Variants in CPNE4 observed in about 807,000 individuals in gnomAD.
CPNE4 encodes the protein copine 4.
In CPNE4, 25 loss-of-function variants were observed where a neutral mutation model predicts 67.9. The observed-to-expected ratio is 0.37, with a 90% CI of 0.27 to 0.51. The LOEUF is 0.51. Among genes scored for constraint, CPNE4 ranks in the 20% least tolerant of loss-of-function variants. The pLI is 0.93. For synonymous variants in CPNE4, 242 were observed against 244.9 expected (o/e 0.99, Z 0.11); for missense variants, 464 against 690.8 (o/e 0.67, Z 3.68).
intron 7 of CPNE4, among the ~76,000 whole-genome samples, chr3:131,657,086 T>C (rs114449448): frequency 4.1e-4 from 63 of 152,348 alleles, no homozygotes; most frequent in African/African-American, 1.5e-3. Flanking sequence ...TATTTTCCTA[T>C]AAGAATTTAC....
intron 2 of CPNE4, among the ~76,000 whole-genome samples, chr3:131,787,566 C>G (rs576867779): frequency 2.6e-5 from 4 of 152,212 alleles, no homozygotes; most frequent in African/African-American, 9.6e-5. Flanking sequence ...CGGCTGAAGG[C>G]TCTCTGATGA....
In CPNE4 at chr3:131,992,536, G is replaced by A. The variant is rs1419039807; in HGVS notation, c.-2+42031C>T. ...TAGTTTTACAGGCTCATAGGTGGAA[G>A]GGACTTCCCTTATCTCAGATGAGAC... On this transcript the variant is annotated intron_variant, in intron 1 of 15. Coordinates refer to ENST00000429747, the MANE Select transcript of CPNE4 (RefSeq NM_130808.3). Among the ~76,000 whole-genome samples, 3 of 136,468 alleles carry A rather than the reference G, an allele frequency of 2.2e-5. 1 individual carries two copies. Among genetic ancestry groups the A allele is most frequent in the Non-Finnish European group, 5.0e-5 (3 of 60,096 alleles). The allele number at this position is 136,468 out of a possible 152,430, so 89.5% of individuals were successfully genotyped here. A position where few individuals can be genotyped will look rare whatever the true frequency, so the allele number is the denominator to read the frequency against.
In CPNE4 at chr3:131,838,455, G is replaced by A. The variant is rs554040842; in HGVS notation, c.180+66809C>T. Among the ~76,000 whole-genome samples, 12 of 151,542 alleles carry A rather than the reference G, an allele frequency of 7.9e-5. No homozygotes were observed. In the South Asian group the frequency reaches 2.5e-3, roughly 32 times the overall value. The stretch of plus-strand genomic sequence containing the variant: ...CACAGAGACCAGTAAGAAATACACA[G>A]GTATGCAAAGCACTTAACTAGTTTA... On this transcript the variant is annotated intron_variant, in intron 2 of 15. Coordinates refer to ENST00000429747, the MANE Select transcript of CPNE4 (RefSeq NM_130808.3).
At chr3:131,679,066 G>C (rs938458356) in intron 6 of CPNE4, among the ~76,000 whole-genome samples, 1 of 151,944 alleles carries the variant, frequency 6.6e-6, no homozygotes, top group African/African-American at 2.4e-5. Context: ...CTGGGCTTTG[G>C]TTGGTTGGTA....
intron 2 of CPNE4, among the ~76,000 whole-genome samples, chr3:131,835,697 C>T (rs902916916): frequency 4.6e-5 from 7 of 152,144 alleles, no homozygotes; most frequent in Non-Finnish European, 8.8e-5. Flanking sequence ...GGTAGGGATG[C>T]CCCTTTTTTG....
At chr3:131,901,963 G>A (rs2088572839) in intron 2 of CPNE4, among the ~76,000 whole-genome samples, 1 of 152,022 alleles carries the variant, frequency 6.6e-6, no homozygotes, top group African/African-American at 2.4e-5. Context: ...CAGAGTTCCT[G>A]TTGTTCATCC....
At chr3:131,660,078 T>C (rs115153870) in intron 7 of CPNE4, among the ~76,000 whole-genome samples, 184 of 152,328 alleles carry the variant, frequency 1.2e-3, no homozygotes, top group African/African-American at 4.1e-3. Context: ...ACCATCTTTG[T>C]CCAGAACTTT....
chr3:131,983,704 A>G (rs1019600598), intron 1 of CPNE4, among the ~76,000 whole-genome samples: 2 of 152,228 alleles, frequency 1.3e-5, no homozygotes, highest in African/African-American at 4.8e-5. Context: ...AATATTTTCT[A>G]TAGATGATTT....
intron 2 of CPNE4, among the ~76,000 whole-genome samples, chr3:131,734,740 A>C (rs112796622): frequency 3.0e-4 from 46 of 152,034 alleles, no homozygotes; most frequent in African/African-American, 1.1e-3. Flanking sequence ...CAATACAAAA[A>C]ATTAGCCAGG....
At chr3:131,647,156 G>C (rs1370346253) in intron 7 of CPNE4, among the ~76,000 whole-genome samples, 1 of 152,238 alleles carries the variant, frequency 6.6e-6, no homozygotes, top group Non-Finnish European at 1.5e-5. Context: ...GAGCTGAAGT[G>C]AAAGACGGAG....
intron 2 of CPNE4, among the ~76,000 whole-genome samples, chr3:131,845,211 C>A (rs900375020): frequency 1.3e-5 from 2 of 152,160 alleles, no homozygotes; most frequent in African/African-American, 4.8e-5. Flanking sequence ...TCATCATAAC[C>A]ACCCACCATC....
intron 2 of CPNE4, among the ~76,000 whole-genome samples, chr3:131,733,896 G>A (rs1323698360): frequency 6.6e-6 from 1 of 152,210 alleles, no homozygotes; most frequent in African/African-American, 2.4e-5. Context: ...TCTGCGGGAT[G>A]CTGCATATGC....
At chr3:132,019,893 G>A (rs1041818865) in intron 1 of CPNE4, among the ~76,000 whole-genome samples, 2 of 152,090 alleles carry the variant, frequency 1.3e-5, no homozygotes, top group Non-Finnish European at 2.9e-5. Flanking sequence ...CTGTCTGTCC[G>A]TGCCCACTAG....
chr3:131,780,593 T>C (rs986060436), intron 2 of CPNE4, among the ~76,000 whole-genome samples: 1 of 151,910 alleles, frequency 6.6e-6, no homozygotes, highest in African/African-American at 2.4e-5. Context: ...ACCAAATACT[T>C]CACTTATAAG....
In CPNE4 at chr3:131,993,134, A is replaced by G. The variant is rs1396355273; in HGVS notation, c.-2+41433T>C. On this transcript the variant is annotated intron_variant, in intron 1 of 15. Coordinates refer to ENST00000429747, the MANE Select transcript of CPNE4 (RefSeq NM_130808.3). ...CAAACTTGCTTTTCAGCAGACCTAG[A>G]GAATGAAGAATTGCATTACCTTGCA... 1.5e-5 allele frequency among the ~76,000 whole-genome samples: 2 copies of G among 136,088 alleles called. 1 individual carries two copies. Among genetic ancestry groups the G allele is most frequent in the Non-Finnish European group, 3.3e-5 (2 of 60,006 alleles). 89.3% of individuals were successfully genotyped at this position (136,088 alleles called of 152,430 possible).
At chr3:131,671,408 A>T (rs2080411082) in intron 6 of CPNE4, among the ~76,000 whole-genome samples, 1 of 152,036 alleles carries the variant, frequency 6.6e-6, no homozygotes, top group Admixed American at 6.6e-5. Context: ...AGCAACTAGA[A>T]ATTTCCTCTG....
chr3:131,979,317 A>C (rs1336825191), intron 1 of CPNE4, among the ~76,000 whole-genome samples: 1 of 152,138 alleles, frequency 6.6e-6, no homozygotes, highest in African/African-American at 2.4e-5. Flanking sequence ...GTTGCTGTCT[A>C]TCTCATTTCC....
intron 3 of CPNE4, among the ~76,000 whole-genome samples, chr3:131,720,869 C>G (rs534347561): frequency 6.6e-6 from 1 of 152,320 alleles, no homozygotes; most frequent in Admixed American, 6.5e-5. Context: ...TGAAGATGCT[C>G]TGCACCATAT....
At chr3:131,768,898 T>G (rs2083092562) in intron 2 of CPNE4, among the ~76,000 whole-genome samples, 1 of 152,112 alleles carries the variant, frequency 6.6e-6, no homozygotes, top group African/African-American at 2.4e-5. Flanking sequence ...TTCTAAGTTC[T>G]TTGCATCTTA....
Sources: allele counts gnomAD v4.1 joint callset (sites outside exome capture counted in the v4.1 genomes callset), GRCh38; gene constraint gnomAD v4.1.1; transcripts MANE v1.5; gene names NCBI Gene and HGNC (gene_info 2026-07-23, HGNC 2026-07-21).